MDGA1: variants seen among roughly 807,000 people sequenced by gnomAD.
The protein encoded by MDGA1 is MAM domain-containing glycosylphosphatidylinositol anchor protein 1.
Under a neutral mutation model 101.5 loss-of-function variants are expected in MDGA1, and 54 were observed. The observed-to-expected ratio is 0.53, with a 90% confidence interval of 0.43 to 0.67. The LOEUF is 0.67. Among genes scored for constraint, MDGA1 ranks in the 30% least tolerant of loss-of-function variants. The pLI, the probability that MDGA1 is intolerant of heterozygous loss-of-function variation, is 0.00. For missense variants in MDGA1, 1,083 were observed against 1,323.8 expected, an observed-to-expected ratio of 0.82 and a Z score of 2.82; for synonymous variants, 533 against 558.3, an observed-to-expected ratio of 0.95 and a Z score of 0.64.
rs190831804 is a variant in MDGA1 at position 37,641,314 on chromosome 6, C to T, written c.2536+2495G>A. ...ACGGGCACCATCTAAGATTGATTCC[C>T]CTTCCCTCAGAGCCAGGTATCTCAT... On this transcript the variant is annotated intron_variant, in intron 14 of 16. Transcript: ENST00000434837. Among the ~76,000 whole-genome samples the T allele has an allele frequency of 3.3e-5, 5 of 152,324 alleles. 1 individual carries two copies. The highest frequency in any genetic ancestry group is 9.6e-5 in the African/African-American group (4 of 41,558).
At chr6:37,663,852 GC>G in intron 2 of MDGA1, 114 bp downstream of exon 2, 1 of 1,182,528 alleles carries the variant, frequency 8.5e-7, no homozygotes, top group Non-Finnish European at 1.2e-6. Flanking sequence ...CCTGTTCTCT[GC>G]CTCCATGCTG....
intron 1 of MDGA1, among the ~76,000 whole-genome samples, chr6:37,690,041 T>A (rs979765142): frequency 1.3e-5 from 2 of 152,178 alleles, no homozygotes; most frequent in African/African-American, 4.8e-5. Context: ...TCCAAATGAT[T>A]GGACCTACTA....
Position 37,655,203 on chromosome 6 carries a change from A to G in MDGA1, c.580-271T>C, listed in dbSNP as rs1177601535. On this transcript the variant is annotated intron_variant, in intron 4 of 16. Transcript: ENST00000434837. This position sits in a 1 kb window ranked among gnomAD's most constrained non-coding sequence, Gnocchi z 5.1. ...GCAAGTACCAGGCCTTGGTTTCTCCAGTCTGGGAAACGGAGGGGTAAGAAG... is the reference window on the plus strand; with the variant it reads ...GCAAGTACCAGGCCTTGGTTTCTCCGGTCTGGGAAACGGAGGGGTAAGAAG... 5.9e-6 allele frequency: 3 copies of G among 512,262 alleles called. No individual in the cohort carries two copies. The highest frequency in any genetic ancestry group is 1.0e-5 in the Non-Finnish European group (3 of 288,568). 31.7% of individuals were successfully genotyped at this position (512,262 alleles called of 1,614,324 possible). A position where few individuals can be genotyped will look rare whatever the true frequency, so the allele number is the denominator to read the frequency against.
chr6:37,676,727 A>C (rs1178219658), intron 1 of MDGA1, among the ~76,000 whole-genome samples: 2 of 152,074 alleles, frequency 1.3e-5, no homozygotes, highest in East Asian at 3.9e-4. Context: ...GTGAAACCCC[A>C]ACTCTACTAA....
rs2113994350 is a variant in MDGA1, at chr6:37,638,875, T to C, written c.2537-208A>G. On this transcript the variant is annotated intron_variant, in intron 14 of 16. Coordinates refer to ENST00000434837, the MANE Select transcript of MDGA1 (RefSeq NM_153487.4). The surrounding 1 kb of genome is among the most constrained non-coding windows in gnomAD (Gnocchi z 4.8). ...GAGAAGACTTCAGCAGGATTTCATT[T>C]CATCAGGATGACTTGCAAATTTTCT... The C allele has an allele frequency of 1.6e-6, 1 of 619,270 alleles. No individual in the cohort carries two copies. The highest frequency in any genetic ancestry group is 4.3e-4 in the Middle Eastern group (1 of 2,328). The allele number at this position is 619,270 out of a possible 1,614,324, so 38.4% of individuals were successfully genotyped here.
Position 37,650,394 on chromosome 6 carries a change from T to C in MDGA1, c.1324A>G (p.Ile442Val). ...ACGGCCCTACCCTTGGGCACACTGA[T>C]GGTGGGCGGCACTGTGGGGGTGATG... ...NISSETVPPT[I>V]SVPKGRAVVT... Residue 442 changes from isoleucine to valine, a missense_variant, in exon 8 of 17, where the codon ATC (isoleucine) becomes GTC (valine). Ile to Val is a conservative substitution (Grantham distance 29). Coordinates refer to ENST00000434837, the MANE Select transcript of MDGA1 (RefSeq NM_153487.4). 6.5e-7 allele frequency: 1 copy of C among 1,549,538 alleles called. No homozygotes were observed. The highest frequency in any genetic ancestry group is 8.7e-7 in the Non-Finnish European group (1 of 1,145,452).
chr6:37,684,919 G>T (rs1725941627), intron 1 of MDGA1, among the ~76,000 whole-genome samples: 2 of 152,130 alleles, frequency 1.3e-5, no homozygotes, highest in South Asian at 4.1e-4. Context: ...AGTAGATGAG[G>T]CCACTGAAAT....
At chr6:37,664,600 T>TACACACACACACACACACACACACACAC (rs61046567) in intron 1 of MDGA1, among the ~76,000 whole-genome samples, 7 of 118,140 alleles carry the variant, frequency 5.9e-5, no homozygotes, top group East Asian at 2.7e-4. Flanking sequence ...TCCCCCACAA[T>TACACACACACACACACACACACACACAC]ACACACACAC....
chr6:37,683,986 T>C (rs893759902), intron 1 of MDGA1, among the ~76,000 whole-genome samples: 2 of 152,164 alleles, frequency 1.3e-5, no homozygotes, highest in African/African-American at 4.8e-5. Flanking sequence ...TAATGACCCC[T>C]CTACACACAT....
intron 1 of MDGA1, among the ~76,000 whole-genome samples, chr6:37,680,513 AC>A (rs1762070803): frequency 6.6e-6 from 1 of 152,268 alleles, no homozygotes; most frequent in African/African-American, 2.4e-5. Context: ...CCCTGCAAGG[AC>A]TAGACACCTG....
At chr6:37,657,205 A>T (rs933259921) in intron 3 of MDGA1, among the ~76,000 whole-genome samples, 2 of 152,166 alleles carry the variant, frequency 1.3e-5, no homozygotes, top group Non-Finnish European at 2.9e-5. Flanking sequence ...ATTTGGCCCC[A>T]CCCCTGATCA....
At chr6:37,660,326 T>G (rs1354779560) in intron 2 of MDGA1, among the ~76,000 whole-genome samples, 1 of 152,084 alleles carries the variant, frequency 6.6e-6, no homozygotes, top group Non-Finnish European at 1.5e-5. Context: ...CTTCATCTCT[T>G]TAAATATTGC....
Position 37,664,078 on chromosome 6 carries a change from C to T in MDGA1, c.96G>A (p.Ala32=), listed in dbSNP as rs371566433. The T allele has an allele frequency of 1.7e-5, 27 of 1,613,776 alleles. No individual in the cohort carries two copies. In the South Asian group the frequency reaches 1.9e-4, roughly 11 times the overall value. ...YAPAQAQIVH[A]GQACVVKEDN... ...CCTCTTTCACCACACATGCCTGGCC[C>T]GCATGCACGATCTGCGCCTGGGCTG... The change falls in exon 2 of 17, where the codon GCG becomes GCA. Residue 32 remains alanine, a synonymous_variant. Transcript: ENST00000434837.
chr6:37,673,362 A>G (rs1049072505), intron 1 of MDGA1, among the ~76,000 whole-genome samples: 1 of 152,246 alleles, frequency 6.6e-6, no homozygotes, highest in Admixed American at 6.5e-5. Context: ...CCTTTTATGC[A>G]TGTAATGCAA....
Position 37,647,336 on chromosome 6 carries a change from G to A in MDGA1, c.1895-12C>T, listed in dbSNP as rs1761230579. The A allele has an allele frequency of 3.3e-6, 5 of 1,520,964 alleles. No individual in the cohort carries two copies. Among genetic ancestry groups the A allele is most frequent in the Non-Finnish European group, 4.4e-6 (5 of 1,126,892 alleles). 94.2% of individuals were successfully genotyped at this position (1,520,964 alleles called of 1,614,324 possible). A position where few individuals can be genotyped will look rare whatever the true frequency, so the allele number is the denominator to read the frequency against. On this transcript the variant is annotated splice_polypyrimidine_tract_variant and intron_variant, in intron 9 of 16. Transcript: ENST00000434837. ...GCTGTAGGCTTTGGCTAAGAGGGCGGGGAGGGGGGCATTGGGCCGTGGAGG... is the reference window on the plus strand; with the variant it reads ...GCTGTAGGCTTTGGCTAAGAGGGCGAGGAGGGGGGCATTGGGCCGTGGAGG...
At chr6:37,676,424 A>G (rs1761979766) in intron 1 of MDGA1, among the ~76,000 whole-genome samples, 3 of 152,154 alleles carry the variant, frequency 2.0e-5, no homozygotes, top group African/African-American at 7.2e-5. Flanking sequence ...CTAAACCCCA[A>G]CTCTCAAGTA....
chr6:37,658,968 C>CAAA (rs34087406), intron 2 of MDGA1, among the ~76,000 whole-genome samples: 1,369 of 109,362 alleles, frequency 0.013, 50 homozygotes, highest in South Asian at 0.043. Context: ...AAGACTGTTT[C>CAAA]AAAAAAAAAA....
chr6:37,670,926 T>C (rs558042300), intron 1 of MDGA1, among the ~76,000 whole-genome samples: 19 of 152,332 alleles, frequency 1.2e-4, no homozygotes, highest in African/African-American at 4.1e-4. Flanking sequence ...ACCTGCTAAC[T>C]TGGGACTCTG....
In MDGA1 at chr6:37,646,197, C is replaced by T. The variant is rs1173960127; in HGVS notation, c.2224+1G>A. The T allele has an allele frequency of 1.2e-5, 19 of 1,575,062 alleles. No individual in the cohort carries two copies. Among genetic ancestry groups the T allele is most frequent in the Non-Finnish European group, 1.6e-5 (19 of 1,156,998 alleles). ...TTCCTACCGCCACCACTGTCACCTA[C>T]GCTCTGTGTAGTGGATGATGCGGGA... On this transcript the variant is annotated splice_donor_variant, in intron 11 of 16. Transcript: ENST00000434837. LOFTEE classifies it high-confidence loss of function.
Sources: allele counts gnomAD v4.1 joint callset (sites outside exome capture counted in the v4.1 genomes callset), GRCh38; gene constraint gnomAD v4.1.1; non-coding constraint Gnocchi (gnomAD v3.1); transcripts MANE v1.5; gene names NCBI Gene and HGNC (gene_info 2026-07-23, HGNC 2026-07-21).